STAB2: variants seen among roughly 807,000 people sequenced by gnomAD.
STAB2 encodes stabilin 2, also known as stabilin-2.
STAB2 carries 288 observed loss-of-function variants against 338.1 expected under a neutral mutation model. The ratio of observed to expected loss-of-function variants is 0.85; its 90% CI spans 0.77 to 0.94. The LOEUF (loss-of-function observed/expected upper bound fraction) is 0.94. STAB2 is among the 40% of genes least tolerant of loss of function. The pLI, the probability that STAB2 is intolerant of heterozygous loss-of-function variation, is 0.00. For missense variants in STAB2, 3,141 were observed against 3,210.1 expected (o/e 0.98, Z 0.52); for synonymous variants, 1,202 against 1,193.3 (o/e 1.01, Z -0.15).
chr12:103,655,237 A>G lies in STAB2; in HGVS notation c.1552-14A>G, dbSNP rs776511719. 2 of 1,601,486 alleles carry G rather than the reference A, an allele frequency of 1.2e-6. No individual in the cohort carries two copies. The highest frequency in any genetic ancestry group is 1.7e-6 in the Non-Finnish European group (2 of 1,176,228). ...TTTTATTTCCTGATTTTTAAGCAAA[A>G]TGTCTCTTTTTAGCAAACCATAATG... On this transcript the variant is annotated splice_polypyrimidine_tract_variant and intron_variant, in intron 13 of 68. Transcript: ENST00000388887.
At chr12:103,658,902 T>C (rs1017497932) in intron 15 of STAB2, among the ~76,000 whole-genome samples, 7 of 152,154 alleles carry the variant, frequency 4.6e-5, no homozygotes, top group African/African-American at 1.7e-4. Context: ...TTCCCAACAG[T>C]CCCCACTTTG....
Position 103,675,917 on chromosome 12 carries a change from C to A in STAB2, c.2553-11C>A, listed in dbSNP as rs373741792. ...TATTCTGGGGCTGATATTGCACACT[C>A]TCCTTTGCAGTTGTATTTGCAAAGC... On this transcript the variant is annotated splice_polypyrimidine_tract_variant and intron_variant, in intron 23 of 68. Coordinates refer to ENST00000388887, the MANE Select transcript of STAB2 (RefSeq NM_017564.10). The A allele has an allele frequency of 1.9e-6, 3 of 1,606,296 alleles. No individual in the cohort carries two copies. Among genetic ancestry groups the A allele is most frequent in the Non-Finnish European group, 2.6e-6 (3 of 1,176,110 alleles).
At chr12:103,646,931 C>A (rs1239744280) in intron 9 of STAB2, among the ~76,000 whole-genome samples, 1 of 151,980 alleles carries the variant, frequency 6.6e-6, no homozygotes, top group Non-Finnish European at 1.5e-5. Context: ...AGAGGTCACA[C>A]CAGAGTGATA....
chr12:103,595,815 C>T (rs1462265415), intron 3 of STAB2, among the ~76,000 whole-genome samples: 1 of 152,158 alleles, frequency 6.6e-6, no homozygotes, highest in Non-Finnish European at 1.5e-5. Flanking sequence ...CAAAGCCTAC[C>T]TCTTTCTGCT....
At chr12:103,750,308 T>C (rs1021143282) in intron 59 of STAB2, among the ~76,000 whole-genome samples, 5 of 152,126 alleles carry the variant, frequency 3.3e-5, no homozygotes, top group African/African-American at 1.2e-4. Context: ...CAGGCCAATG[T>C]GATAGAAGGG....
chr12:103,590,938 C>T lies in STAB2; in HGVS notation c.123C>T (p.Thr41=), dbSNP rs184245355. Reference sequence around the variant, plus strand: ...GGAAGTCTCTTCTTACAATTAGGACCGAGTGCCGATCCTGCGCTCTCAACC... The same window carrying T: ...GGAAGTCTCTTCTTACAATTAGGACTGAGTGCCGATCCTGCGCTCTCAACC... ...CDRKSLLTIR[T]ECRSCALNLG... is the part of the protein sequence containing the mutation. The change falls in exon 2 of 69, where the codon ACC becomes ACT. Residue 41 remains threonine, a synonymous_variant. Transcript: ENST00000388887. 8 of 1,614,006 alleles carry T rather than the reference C, an allele frequency of 5.0e-6. No homozygotes were observed. Among genetic ancestry groups the T allele is most frequent in the African/African-American group, 1.3e-5 (1 of 74,982 alleles).
At chr12:103,708,363 AG>A in intron 38 of STAB2, 77 bp from the exon 39 acceptor site, 4 of 1,456,918 alleles carry the variant, frequency 2.7e-6, no homozygotes, top group Non-Finnish European at 3.8e-6. Flanking sequence ...AGTGCAATAA[AG>A]CAAACCTAGT....
chr12:103,711,374 A>G, intron 39 of STAB2, 97 bp from the exon 40 acceptor site: 1 of 1,492,922 alleles, frequency 6.7e-7, no homozygotes, highest in East Asian at 2.3e-5. Context: ...GATACATATC[A>G]CTTCCAAAGA....
At chr12:103,743,314 T>C (rs1382458158) in intron 56 of STAB2, among the ~76,000 whole-genome samples, 1 of 152,174 alleles carries the variant, frequency 6.6e-6, no homozygotes, top group East Asian at 1.9e-4. Context: ...TGAGCCACTG[T>C]GCCCGGCTGA....
At chr12:103,761,267 TA>T (rs1421352244) in intron 65 of STAB2, 32 bp from the exon 66 acceptor site, 9 of 1,599,596 alleles carry the variant, frequency 5.6e-6, no homozygotes, top group African/African-American at 1.3e-5. Flanking sequence ...ACTCGGAGAG[TA>T]AAAGCCATCA....
At chr12:103,695,172 A>G (rs1217665978) in intron 31 of STAB2, among the ~76,000 whole-genome samples, 1 of 152,248 alleles carries the variant, frequency 6.6e-6, no homozygotes, top group Non-Finnish European at 1.5e-5. Context: ...CCAAGAAGAA[A>G]GGATTAGATA....
In STAB2 at chr12:103,742,563, C is replaced by T. The variant is rs368793417; in HGVS notation, c.6031+9C>T. 18 of 1,613,980 alleles carry T rather than the reference C, an allele frequency of 1.1e-5. No homozygotes were observed. The highest frequency in any genetic ancestry group is 1.3e-5 in the African/African-American group (1 of 75,012). On this transcript the variant is annotated intron_variant, in intron 56 of 68. Transcript: ENST00000388887. ...CGGGCCTGATTGTCTGCGTATGTGG[C>T]GCCGCTTCTCCGTGCTAGAGCTTGT...
At chr12:103,706,681 A>T in intron 37 of STAB2, 111 bp from the exon 38 acceptor site, 1 of 1,414,518 alleles carries the variant, frequency 7.1e-7, no homozygotes, top group Non-Finnish European at 9.7e-7. Context: ...ACTCCATGTG[A>T]GGTCGAAGAA....
At chr12:103,722,648 C>T (rs1009074656) in intron 44 of STAB2, among the ~76,000 whole-genome samples, 2 of 152,152 alleles carry the variant, frequency 1.3e-5, no homozygotes, top group Non-Finnish European at 2.9e-5. Flanking sequence ...TACATGAACC[C>T]ATCTGTACCT....
chr12:103,705,159 AT>A (rs1027455214), intron 36 of STAB2: 1 of 156,848 alleles, frequency 6.4e-6, no homozygotes, highest in Non-Finnish European at 1.4e-5. Context: ...ATAATTTTTA[AT>A]TTATGATAAA....
chr12:103,679,503 C>T (rs556330668), intron 25 of STAB2, among the ~76,000 whole-genome samples: 1 of 152,268 alleles, frequency 6.6e-6, no homozygotes, highest in African/African-American at 2.4e-5. Flanking sequence ...GATAGAAGCA[C>T]ACTACACCCA....
In STAB2 at chr12:103,706,975, C is replaced by T. The variant is rs765020508; in HGVS notation, c.4180C>T (p.His1394Tyr). ...ETCTEGKYGI[H>Y]CDQACSCVHG... is the part of the protein sequence containing the mutation. ...CTGCACCGAGGGCAAGTACGGCATC[C>T]ACTGTGACCAAGGTGAGCACCGTCC... Residue 1394 changes from histidine to tyrosine, a missense_variant, in exon 38 of 69, where the codon CAC (histidine) becomes TAC (tyrosine). By Grantham distance (83) the His-to-Tyr change is moderately conservative. Transcript: ENST00000388887. 2.5e-6 allele frequency: 4 copies of T among 1,614,046 alleles called. No homozygotes were observed. Among genetic ancestry groups the T allele is most frequent in the Non-Finnish European group, 3.4e-6 (4 of 1,180,034 alleles).
chr12:103,604,489 T>C (rs181208897), intron 3 of STAB2, among the ~76,000 whole-genome samples: 75 of 152,190 alleles, frequency 4.9e-4, no homozygotes, highest in African/African-American at 1.7e-3. Context: ...CCATTTGGCA[T>C]GGAATTTTCT....
At chr12:103,718,534 T>C (rs73189895) in intron 44 of STAB2, among the ~76,000 whole-genome samples, 5,003 of 152,232 alleles carry the variant, frequency 0.033, 147 homozygotes, top group Admixed American at 0.084. Context: ...GGATGTAGGG[T>C]GGAGGCTGCC....
Sources: gnomAD v4.1 joint callset for allele counts (sites outside exome capture counted in the v4.1 genomes callset) on GRCh38, gnomAD v4.1.1 for gene constraint, MANE v1.5 for transcripts, NCBI Gene and HGNC (gene_info 2026-07-23, HGNC 2026-07-21) for gene names.